Variants in PACRG observed in about 807,000 individuals in gnomAD.
PACRG encodes the protein parkin coregulated gene protein.
PACRG carries 29 observed loss-of-function variants against 29.7 expected under a neutral mutation model. That is an observed-to-expected ratio of 0.98 (90% CI 0.73 to 1.33). PACRG has a LOEUF of 1.33. Among genes scored for constraint, PACRG ranks in the 40% most tolerant of loss-of-function variants. The probability of loss-of-function intolerance (pLI) is 0.00; values close to 1 mark genes in which losing one functional copy is unlikely to be tolerated. For synonymous variants in PACRG, 116 were observed against 118.7 expected (o/e 0.98, Z 0.15); for missense variants, 279 against 316.2 (o/e 0.88, Z 0.89).
chr6:162,944,004 G>A (rs1798819625), intron 2 of PACRG, among the ~76,000 whole-genome samples: 1 of 152,138 alleles, frequency 6.6e-6, no homozygotes, highest in South Asian at 2.1e-4. Flanking sequence ...AAGCCACCTG[G>A]AGGCCCAAGA....
chr6:163,174,638 G>A (rs554306513), intron 4 of PACRG, among the ~76,000 whole-genome samples: 14 of 152,272 alleles, frequency 9.2e-5, no homozygotes, highest in Non-Finnish European at 1.9e-4. Context: ...TCCCAGACTC[G>A]TACAGAGTTT....
chr6:162,978,587 C>T (rs1298899618), intron 2 of PACRG, among the ~76,000 whole-genome samples: 1 of 152,050 alleles, frequency 6.6e-6, no homozygotes, highest in Non-Finnish European at 1.5e-5. Context: ...GGGATATGCA[C>T]AGGATATTAA....
chr6:163,305,769 A>G (rs936503114), intron 4 of PACRG, among the ~76,000 whole-genome samples: 1 of 152,180 alleles, frequency 6.6e-6, no homozygotes, highest in Non-Finnish European at 1.5e-5. Flanking sequence ...TCTATGTCAT[A>G]AAAAGTGATA....
chr6:162,980,500 A>T (rs930512670), intron 2 of PACRG, among the ~76,000 whole-genome samples: 2 of 152,164 alleles, frequency 1.3e-5, no homozygotes, highest in Non-Finnish European at 2.9e-5. Context: ...GCAGAATTGG[A>T]GAATTACAAT....
intron 3 of PACRG, among the ~76,000 whole-genome samples, chr6:163,082,504 TAAC>T (rs776035011): frequency 5.3e-5 from 8 of 152,144 alleles, no homozygotes; most frequent in Admixed American, 2.0e-4. Flanking sequence ...TAATATGTAA[TAAC>T]AAAAGAAAAA....
intron 4 of PACRG, among the ~76,000 whole-genome samples, chr6:163,272,413 A>G (rs533979410): frequency 6.6e-6 from 1 of 152,322 alleles, no homozygotes; most frequent in South Asian, 2.1e-4. Flanking sequence ...TTCCAGGTGT[A>G]AATTTTAGAA....
At chr6:163,114,028 T>C (rs900523901) in intron 4 of PACRG, among the ~76,000 whole-genome samples, 2 of 152,206 alleles carry the variant, frequency 1.3e-5, no homozygotes, top group South Asian at 4.1e-4. Flanking sequence ...GGTGGGCAGA[T>C]TATTTGAGGC....
chr6:163,234,285 G>C lies in PACRG; in HGVS notation c.614-80542G>C, dbSNP rs553259281. ...GGTGCAGATCCCTCAGGAATGGCTT[G>C]GTGCCATTCTCAGGGGAGTGACTTC... On this transcript the variant is annotated intron_variant, in intron 4 of 4. Coordinates refer to ENST00000366888, the MANE Select transcript of PACRG (RefSeq NM_001080379.2). Among the ~76,000 whole-genome samples the C allele has an allele frequency of 3.6e-3, 541 of 152,152 alleles. 3 individuals carry two copies. The highest frequency in any genetic ancestry group is 0.013 in the African/African-American group (519 of 41,490).
intron 4 of PACRG, among the ~76,000 whole-genome samples, chr6:163,257,673 GTATA>G (rs1783168742): frequency 6.6e-6 from 1 of 152,116 alleles, no homozygotes; most frequent in Non-Finnish European, 1.5e-5. Context: ...CAGGAATACT[GTATA>G]TATGTAAGTG....
At chr6:162,728,755 T>C (rs758322867) in intron 1 of PACRG, among the ~76,000 whole-genome samples, 51 of 152,272 alleles carry the variant, frequency 3.3e-4, no homozygotes, top group African/African-American at 1.1e-3. Context: ...TTCTTAGAAA[T>C]CATAAACTCT....
At chr6:162,773,991 G>T (rs1243606195) in intron 1 of PACRG, among the ~76,000 whole-genome samples, 3 of 152,066 alleles carry the variant, frequency 2.0e-5, no homozygotes, top group Non-Finnish European at 4.4e-5. Flanking sequence ...TTGTTACTTT[G>T]CTGTCTCCAT....
intron 2 of PACRG, among the ~76,000 whole-genome samples, chr6:163,008,914 T>C (rs1423865400): frequency 6.6e-6 from 1 of 152,066 alleles, no homozygotes; most frequent in East Asian, 1.9e-4. Context: ...CTTTCAGCCA[T>C]GAGTTGTTTA....
At chr6:162,999,852 G>A (rs1400802406) in intron 2 of PACRG, among the ~76,000 whole-genome samples, 2 of 152,128 alleles carry the variant, frequency 1.3e-5, no homozygotes, top group Admixed American at 6.5e-5. Flanking sequence ...TCTTTAGTGT[G>A]AAATCCTTCA....
At chr6:162,752,571 G>C (rs191045959) in intron 1 of PACRG, among the ~76,000 whole-genome samples, 10 of 152,246 alleles carry the variant, frequency 6.6e-5, no homozygotes, top group Non-Finnish European at 8.8e-5. Flanking sequence ...CTTGTCTTAG[G>C]AAACCAATGT....
At chr6:163,146,357 G>A (rs1288393208) in intron 4 of PACRG, among the ~76,000 whole-genome samples, 1 of 152,176 alleles carries the variant, frequency 6.6e-6, no homozygotes, top group Non-Finnish European at 1.5e-5. Flanking sequence ...AGAATCAGAA[G>A]TCAAGTTGAT....
chr6:162,854,074 G>T (rs1035602491), intron 2 of PACRG, among the ~76,000 whole-genome samples: 1 of 150,868 alleles, frequency 6.6e-6, no homozygotes, highest in Non-Finnish European at 1.5e-5. Context: ...CACATATTTT[G>T]ACTTAAACTA....
chr6:162,768,370 G>A (rs887603964), intron 1 of PACRG, among the ~76,000 whole-genome samples: 16 of 151,874 alleles, frequency 1.1e-4, no homozygotes, highest in Non-Finnish European at 2.2e-4. Flanking sequence ...TTCTCTGGAT[G>A]TTTTTCTAAT....
At chr6:162,796,180 A>G (rs9356063) in intron 1 of PACRG, among the ~76,000 whole-genome samples, 11,654 of 152,108 alleles carry the variant, frequency 0.077, 572 homozygotes, top group East Asian at 0.28. Context: ...AGTGTGTTGT[A>G]TTTTCCCGCA....
At position 162,728,187 on chromosome 6, in the gene PACRG, C is replaced by G. The variant is rs1291395475; in HGVS notation, c.-49C>G. 6.3e-7 allele frequency: 1 copy of G among 1,592,406 alleles called. No individual in the cohort carries two copies. Among genetic ancestry groups the G allele is most frequent in the African/African-American group, 1.4e-5 (1 of 74,044 alleles). ...CTCCTGCTCACATCCGTAAAGCCCA[C>G]TGATTCTTTTACTACACTTTTTATG... On this transcript the variant is annotated 5_prime_UTR_variant, in exon 1 of 5. Transcript: ENST00000366888.
Sources: gnomAD v4.1 joint callset for allele counts (sites outside exome capture counted in the v4.1 genomes callset) on GRCh38, gnomAD v4.1.1 for gene constraint, MANE v1.5 for transcripts, NCBI Gene and HGNC (gene_info 2026-07-23, HGNC 2026-07-21) for gene names.